Variants in CSMD3 observed in about 807,000 individuals in gnomAD.
CSMD3 encodes CUB and sushi domain-containing protein 3.
CSMD3 carries 177 observed loss-of-function variants against 435.2 expected under a neutral mutation model. The ratio of observed to expected loss-of-function variants is 0.41; its 90% CI spans 0.36 to 0.46. CSMD3 has a LOEUF of 0.46. CSMD3 is among the 20% of genes least tolerant of loss of function. The pLI, the probability that CSMD3 is intolerant of heterozygous loss-of-function variation, is 0.34. For missense variants in CSMD3, 4,265 were observed against 4,504.6 expected (o/e 0.95, Z 1.52); for synonymous variants, 1,656 against 1,520.5 (o/e 1.09, Z -2.07).
intron 24 of CSMD3, among the ~76,000 whole-genome samples, 164 bp from the exon 25 acceptor site, chr8:112,557,118 C>CT (rs933475146): frequency 7.3e-5 from 11 of 150,798 alleles, no homozygotes; most frequent in East Asian, 2.0e-4. Context: ...CCATGCAGAC[C>CT]TTTTTTTTTC....
intron 20 of CSMD3, 33 bp from the exon 21 acceptor site, chr8:112,638,944 G>T (rs561412077): frequency 7.1e-7 from 1 of 1,414,158 alleles, no homozygotes; most frequent in South Asian, 1.2e-5. Context: ...TGAATTTACA[G>T]GTAGATCAGT....
Position 113,235,913 on chromosome 8 carries a change from C to T in CSMD3, c.514+42679G>A, listed in dbSNP as rs557349092. Among the ~76,000 whole-genome samples, 4 of 152,194 alleles carry T rather than the reference C, an allele frequency of 2.6e-5. No individual in the cohort carries two copies. In the South Asian group the frequency reaches 8.3e-4, roughly 32 times the overall value. On this transcript the variant is annotated intron_variant, in intron 3 of 70. Coordinates refer to ENST00000297405, the MANE Select transcript of CSMD3 (RefSeq NM_198123.2). ...GCCAGATGGTTACAGGTCCCTGATA[C>T]CCAGTATGGCCCAGGAAAGAACAAA...
intron 41 of CSMD3, among the ~76,000 whole-genome samples, chr8:112,342,086 T>C (rs895274722): frequency 4.6e-5 from 7 of 152,112 alleles, no homozygotes; most frequent in African/African-American, 1.7e-4. Flanking sequence ...TAATTGCAAA[T>C]TTGTAATATA....
chr8:112,537,573 A>C (rs572837958), intron 27 of CSMD3, among the ~76,000 whole-genome samples: 9 of 152,084 alleles, frequency 5.9e-5, no homozygotes, highest in African/African-American at 2.2e-4. Flanking sequence ...ACAGAAACAC[A>C]AGGAATTATT....
At chr8:112,829,559 A>G (rs993172716) in intron 12 of CSMD3, 127 bp downstream of exon 12, 25 of 707,638 alleles carry the variant, frequency 3.5e-5, no homozygotes, top group Middle Eastern at 2.4e-4. Context: ...AGTTAACAAT[A>G]ATAACTAAGT....
intron 9 of CSMD3, among the ~76,000 whole-genome samples, chr8:112,925,704 C>T (rs2082889522): frequency 6.6e-6 from 1 of 152,094 alleles, no homozygotes; most frequent in Non-Finnish European, 1.5e-5. Context: ...AAGAAAGGAG[C>T]CTTCTCACCT....
chr8:113,019,515 AAT>A (rs1251538062), intron 5 of CSMD3, among the ~76,000 whole-genome samples: 88 of 149,234 alleles, frequency 5.9e-4, no homozygotes, highest in African/African-American at 9.3e-4. Context: ...ATCATTTATT[AAT>A]ATGTTATATA....
Position 112,750,896 on chromosome 8 carries a change from TG to T in CSMD3, c.1972+49265del, listed in dbSNP as rs1367134231. Among the ~76,000 whole-genome samples, 3 of 151,932 alleles carry T rather than the reference TG, an allele frequency of 2.0e-5. No homozygotes were observed. The East Asian group carries it at 5.8e-4, about 29-fold the overall frequency. On this transcript the variant is annotated intron_variant, in intron 13 of 70. Coordinates refer to ENST00000297405, the MANE Select transcript of CSMD3 (RefSeq NM_198123.2). ...GCCTTTTTTTCAACCAAATGCAGATTGAAAATACAGTATTGGAGGTATGCAA... is the reference window on the plus strand; with the variant it reads ...GCCTTTTTTTCAACCAAATGCAGATTAAAATACAGTATTGGAGGTATGCAA...
At chr8:112,762,382 T>C (rs1222729984) in intron 13 of CSMD3, among the ~76,000 whole-genome samples, 1 of 151,954 alleles carries the variant, frequency 6.6e-6, no homozygotes, top group Non-Finnish European at 1.5e-5. Flanking sequence ...GTTCTGTCCA[T>C]AGCACTGTGT....
At chr8:113,207,034 T>C (rs534926494) in intron 3 of CSMD3, among the ~76,000 whole-genome samples, 8 of 152,286 alleles carry the variant, frequency 5.3e-5, no homozygotes, top group East Asian at 1.9e-4. Flanking sequence ...CAAACAGATA[T>C]ACTAACTTAC....
chr8:113,182,979 A>T (rs72687609), intron 3 of CSMD3, among the ~76,000 whole-genome samples: 10,068 of 152,074 alleles, frequency 0.066, 450 homozygotes, highest in Non-Finnish European at 0.095. Context: ...TACAATACAT[A>T]ACCCCATGTG....
chr8:113,414,955 G>C (rs2094575537), intron 1 of CSMD3, among the ~76,000 whole-genome samples: 1 of 151,444 alleles, frequency 6.6e-6, no homozygotes, highest in African/African-American at 2.4e-5. Context: ...GACAGAGGCA[G>C]TATGTAAAAA....
Position 113,377,099 on chromosome 8 carries a change from C to T in CSMD3, c.178+59578G>A, listed in dbSNP as rs532314652. The T allele has an allele frequency of 2.4e-5, 31 of 1,279,952 alleles. 1 individual carries two copies. The highest frequency in any genetic ancestry group is 1.4e-5 in the Non-Finnish European group (14 of 999,694). The allele number at this position is 1,279,952 out of a possible 1,614,324, so 79.3% of individuals were successfully genotyped here. On this transcript the variant is annotated intron_variant, in intron 1 of 70. Coordinates refer to ENST00000297405, the MANE Select transcript of CSMD3 (RefSeq NM_198123.2). ...TTTCGCCAGCTGGCGCTGGACTCCC[C>T]CAAGGGCTGCGGCGTCGTCCGGCTC...
intron 36 of CSMD3, among the ~76,000 whole-genome samples, chr8:112,386,588 C>T (rs749138663): frequency 7.2e-5 from 11 of 152,072 alleles, no homozygotes; most frequent in Non-Finnish European, 1.5e-4. Context: ...ACCTCTGCCT[C>T]CCGGGTTCAC....
chr8:112,420,494 GTTAGT>G (rs143325297), intron 32 of CSMD3, among the ~76,000 whole-genome samples: 2,773 of 152,108 alleles, frequency 0.018, 81 homozygotes, highest in African/African-American at 0.064. Flanking sequence ...TCTTTTTATA[GTTAGT>G]TTAATCAAAT....
At chr8:113,040,157 C>T (rs1209547892) in intron 5 of CSMD3, among the ~76,000 whole-genome samples, 1 of 151,976 alleles carries the variant, frequency 6.6e-6, no homozygotes, top group Non-Finnish European at 1.5e-5. Context: ...GAAGTGAAGA[C>T]GTAAGCCATG....
At chr8:112,619,659 T>C (rs1258916652) in intron 22 of CSMD3, among the ~76,000 whole-genome samples, 1 of 152,096 alleles carries the variant, frequency 6.6e-6, no homozygotes, top group Non-Finnish European at 1.5e-5. Flanking sequence ...TCCATTTGTG[T>C]TCCTAAGGCC....
chr8:112,851,441 G>A (rs961689499), intron 11 of CSMD3, among the ~76,000 whole-genome samples: 1 of 152,044 alleles, frequency 6.6e-6, no homozygotes, highest in Non-Finnish European at 1.5e-5. Flanking sequence ...AGAGAGAATC[G>A]TGACATAAAG....
At chr8:112,282,665 C>T (rs1224809128) in intron 58 of CSMD3, among the ~76,000 whole-genome samples, 1 of 152,002 alleles carries the variant, frequency 6.6e-6, no homozygotes, top group Non-Finnish European at 1.5e-5. Context: ...TCCTCCACAC[C>T]TAATACACAA....
Sources: allele counts gnomAD v4.1 joint callset (sites outside exome capture counted in the v4.1 genomes callset), GRCh38; gene constraint gnomAD v4.1.1; transcripts MANE v1.5; gene names NCBI Gene and HGNC (gene_info 2026-07-23, HGNC 2026-07-21).